DZIP1L: variants seen among roughly 807,000 people sequenced by gnomAD.
The protein encoded by DZIP1L is DAZ interacting zinc finger protein 1 like, also known as cilium assembly protein DZIP1L.
DZIP1L carries 90 observed loss-of-function variants against 88.7 expected under a neutral mutation model. The ratio of observed to expected loss-of-function variants is 1.02; its 90% CI spans 0.86 to 1.21. The LOEUF (loss-of-function observed/expected upper bound fraction) is 1.21. DZIP1L is among the 50% of genes most tolerant of loss of function. The pLI is 0.00. For missense variants in DZIP1L, 932 were observed against 955.8 expected (o/e 0.98, Z 0.33); for synonymous variants, 363 against 372.1 (o/e 0.98, Z 0.28).
intron 4 of DZIP1L, among the ~76,000 whole-genome samples, chr3:138,094,496 A>G (rs1559851123): frequency 1.3e-5 from 2 of 152,244 alleles, no homozygotes; most frequent in African/African-American, 4.8e-5. Context: ...TATACTGAGC[A>G]TTGTCTCTGG....
intron 12 of DZIP1L, chr3:138,069,247 C>A: frequency 1.9e-6 from 1 of 521,470 alleles, no homozygotes; most frequent in South Asian, 2.9e-5. Flanking sequence ...ATTTGCTCTT[C>A]CTTGTGATTT....
chr3:138,110,462 A>T (rs1167260416), intron 1 of DZIP1L, among the ~76,000 whole-genome samples: 1 of 152,144 alleles, frequency 6.6e-6, no homozygotes, highest in Non-Finnish European at 1.5e-5. Context: ...AATAAAAAAA[A>T]ACTTCCCACA....
chr3:138,088,815 C>A (rs768097996), intron 5 of DZIP1L: 19 of 1,029,322 alleles, frequency 1.8e-5, no homozygotes, highest in Non-Finnish European at 2.1e-5. Flanking sequence ...TGCCCCATTT[C>A]TTCCTCAGTC....
In DZIP1L at chr3:138,089,304, T is replaced by C. The variant is rs557730150; in HGVS notation, c.871-797A>G. 1.8e-5 allele frequency: 18 copies of C among 982,368 alleles called. No individual in the cohort carries two copies. In the South Asian group the frequency reaches 7.1e-4, roughly 39 times the overall value. The allele number at this position is 982,368 out of a possible 1,614,324, so 60.9% of individuals were successfully genotyped here. A position where few individuals can be genotyped will look rare whatever the true frequency, so the allele number is the denominator to read the frequency against. On this transcript the variant is annotated intron_variant, in intron 5 of 15. Coordinates refer to ENST00000327532, the MANE Select transcript of DZIP1L (RefSeq NM_173543.3). ...TCAGAGTCAAATGCTTGATCAGATG[T>C]ATGCACAACTCCCGGGTTCTAATGT... is the stretch of plus-strand genomic sequence containing the variant.
At chr3:138,104,272 C>G (rs145525061) in intron 1 of DZIP1L, among the ~76,000 whole-genome samples, 1 of 152,346 alleles carries the variant, frequency 6.6e-6, no homozygotes, top group South Asian at 2.1e-4. Context: ...CAAGTCCCTG[C>G]ACATCTTTAA....
At chr3:138,115,101 C>A (rs1236616175) in intron 1 of DZIP1L, among the ~76,000 whole-genome samples, 1 of 152,080 alleles carries the variant, frequency 6.6e-6, no homozygotes, top group Non-Finnish European at 1.5e-5. Context: ...CGGAGCAGGC[C>A]GAGGGGGCCG....
At chr3:138,064,543 C>T (rs764132271) in intron 15 of DZIP1L, 85 bp downstream of exon 15, 234 of 1,613,192 alleles carry the variant, frequency 1.5e-4, no homozygotes, top group Middle Eastern at 6.6e-4. Flanking sequence ...GCTGGGCCCT[C>T]CCCAACCTTC....
At chr3:138,104,154 GT>G in intron 1 of DZIP1L, 102 bp from the exon 2 acceptor site, 4 of 1,105,182 alleles carry the variant, frequency 3.6e-6, no homozygotes, top group Non-Finnish European at 5.0e-6. Context: ...TGAGGTGTCT[GT>G]GCAGCAGCTG....
Position 138,068,250 on chromosome 3 carries a change from C to T in DZIP1L, c.1733G>A (p.Gly578Asp), listed in dbSNP as rs771428040. Residue 578 changes from glycine (G) to aspartate (D), a missense_variant, in exon 13 of 16, where the codon GGC becomes GAC. Gly to Asp is a moderately conservative substitution (Grantham distance 94). Coordinates refer to ENST00000327532, the MANE Select transcript of DZIP1L (RefSeq NM_173543.3). ...EPPPPTRQSH[G>D]SHGSSLTQVS... Reference sequence around the variant, plus strand: ...CTGGGTCAGGCTGGAGCCATGGCTGCCATGGCTCTGACGAGTTGGTGGGGG... The same window carrying T: ...CTGGGTCAGGCTGGAGCCATGGCTGTCATGGCTCTGACGAGTTGGTGGGGG... 3.8e-6 allele frequency: 6 copies of T among 1,595,818 alleles called. No homozygotes were observed. In the Admixed American group the frequency reaches 5.2e-5, roughly 14 times the overall value.
At chr3:138,085,003 A>G (rs1031198906) in intron 7 of DZIP1L, among the ~76,000 whole-genome samples, 2 of 152,218 alleles carry the variant, frequency 1.3e-5, no homozygotes, top group African/African-American at 2.4e-5. Flanking sequence ...TTTTGGTACC[A>G]GTACCAGTAC....
chr3:138,081,531 C>G (rs1248388225), intron 9 of DZIP1L, among the ~76,000 whole-genome samples: 2 of 152,234 alleles, frequency 1.3e-5, no homozygotes, highest in East Asian at 1.9e-4. Flanking sequence ...GCAAGCCAGG[C>G]AAGAAGCCCT....
intron 11 of DZIP1L, among the ~76,000 whole-genome samples, chr3:138,072,207 A>G (rs1291945074): frequency 6.6e-6 from 1 of 152,254 alleles, no homozygotes; most frequent in Non-Finnish European, 1.5e-5. Context: ...AATTACTATT[A>G]TTATGCCAAA....
chr3:138,087,561 A>G (rs537299719), intron 6 of DZIP1L, among the ~76,000 whole-genome samples: 1 of 152,368 alleles, frequency 6.6e-6, no homozygotes, highest in African/African-American at 2.4e-5. Context: ...ACAAACTCAC[A>G]AATTGATAGG....
At chr3:138,092,128 C>T (rs916050544) in intron 5 of DZIP1L, among the ~76,000 whole-genome samples, 1 of 149,954 alleles carries the variant, frequency 6.7e-6, no homozygotes, top group African/African-American at 2.5e-5. Context: ...CTCTCAGTAG[C>T]CTATCTTACA....
At chr3:138,097,289 T>C (rs1944520921) in intron 3 of DZIP1L, among the ~76,000 whole-genome samples, 1 of 151,950 alleles carries the variant, frequency 6.6e-6, no homozygotes, top group Non-Finnish European at 1.5e-5. Context: ...AATTGTAAAA[T>C]TAAAGTGATT....
At chr3:138,090,688 A>C (rs1944172297) in intron 5 of DZIP1L, among the ~76,000 whole-genome samples, 1 of 152,014 alleles carries the variant, frequency 6.6e-6, no homozygotes, top group South Asian at 2.1e-4. Context: ...TTTCCTTTTG[A>C]AAAAAAATTT....
chr3:138,097,262 C>T (rs1213461213), intron 3 of DZIP1L, among the ~76,000 whole-genome samples: 1 of 152,020 alleles, frequency 6.6e-6, no homozygotes, highest in Non-Finnish European at 1.5e-5. Flanking sequence ...AGCCTTGCTC[C>T]TCATTTTGGA....
chr3:138,095,009 G>A lies in DZIP1L; in HGVS notation c.587-26C>T, dbSNP rs768093650. The A allele has an allele frequency of 2.5e-6, 4 of 1,614,008 alleles. No homozygotes were observed. The South Asian group carries it at 3.3e-5, about 13-fold the overall frequency. ...CTGTGGGGTCCACGCAAAGACAGGT[G>A]ACCAGTTTAAGTCCAAAAATCAAGG... On this transcript the variant is annotated intron_variant, in intron 3 of 15. Transcript: ENST00000327532.
rs188255865 is a variant in DZIP1L, at chr3:138,097,612, C to T, written c.586+151G>A. The T allele has an allele frequency of 1.1e-4, 79 of 699,328 alleles. No individual in the cohort carries two copies. In the Middle Eastern group the frequency reaches 3.2e-3, roughly 29 times the overall value. The allele number at this position is 699,328 out of a possible 1,614,324, so 43.3% of individuals were successfully genotyped here. A position where few individuals can be genotyped will look rare whatever the true frequency, so the allele number is the denominator to read the frequency against. On this transcript the variant is annotated intron_variant, in intron 3 of 15. Transcript: ENST00000327532. ...CCCTTCCAACCCATGTGGGCTCCCC[C>T]GGTGGTGGATGGTGGGATCATCCCA...
Sources: allele counts gnomAD v4.1 joint callset (sites outside exome capture counted in the v4.1 genomes callset), GRCh38; gene constraint gnomAD v4.1.1; transcripts MANE v1.5; gene names NCBI Gene and HGNC (gene_info 2026-07-23, HGNC 2026-07-21).